The following ATG10 variants were observed in gnomAD, a reference collection of about 807,000 sequenced individuals.
ATG10 encodes the protein ubiquitin-like-conjugating enzyme ATG10.
ATG10 carries 30 observed loss-of-function variants against 32.1 expected under a neutral mutation model. The observed-to-expected ratio is 0.94, with a 90% CI of 0.70 to 1.27. The LOEUF is 1.27. ATG10 is among the 50% of genes most tolerant of loss of function. The probability of loss-of-function intolerance (pLI) is 0.00; values close to 1 mark genes in which losing one functional copy is unlikely to be tolerated. For missense variants in ATG10, 233 were observed against 262.3 expected, an observed-to-expected ratio of 0.89 and a Z score of 0.77; for synonymous variants, 87 against 91.5, an observed-to-expected ratio of 0.95 and a Z score of 0.28.
intron 3 of ATG10, among the ~76,000 whole-genome samples, chr5:82,128,280 C>T (rs1292648429): frequency 6.6e-6 from 1 of 151,852 alleles, no homozygotes; most frequent in Non-Finnish European, 1.5e-5. Flanking sequence ...TATATTTAGC[C>T]TGTTACATTT....
At chr5:81,988,649 G>C (rs562010389) in intron 2 of ATG10, among the ~76,000 whole-genome samples, 4 of 152,192 alleles carry the variant, frequency 2.6e-5, no homozygotes, top group African/African-American at 9.6e-5. Context: ...GGCCTGGCTG[G>C]TCTTGAACTA....
chr5:82,177,889 C>T (rs1203404416), intron 4 of ATG10, among the ~76,000 whole-genome samples: 5 of 152,128 alleles, frequency 3.3e-5, no homozygotes, highest in Non-Finnish European at 5.9e-5. Flanking sequence ...TATCTCTCTT[C>T]CTTGGACCAT....
At chr5:82,072,971 G>A (rs1177648719) in intron 3 of ATG10, 1 of 152,090 alleles carries the variant, frequency 6.6e-6, no homozygotes, top group Non-Finnish European at 1.5e-5. Context: ...TCCTCCTCCT[G>A]TGCTGATTCT....
At chr5:82,019,777 G>C (rs1762387721) in intron 2 of ATG10, among the ~76,000 whole-genome samples, 1 of 152,182 alleles carries the variant, frequency 6.6e-6, no homozygotes, top group African/African-American at 2.4e-5. Flanking sequence ...TTGCTCATCT[G>C]CTCTTTTCTG....
At chr5:82,143,670 T>G (rs1263445925) in intron 3 of ATG10, among the ~76,000 whole-genome samples, 1 of 152,238 alleles carries the variant, frequency 6.6e-6, no homozygotes, top group Non-Finnish European at 1.5e-5. Flanking sequence ...AAAGACAGAT[T>G]GGAGACAAGA....
At chr5:81,978,664 GTTGT>G (rs543985509) in intron 1 of ATG10, among the ~76,000 whole-genome samples, 1,697 of 151,958 alleles carry the variant, frequency 0.011, 8 homozygotes, top group Non-Finnish European at 0.018. Context: ...TTTTTTTGTT[GTTGT>G]TTGTTTGTTT....
chr5:81,987,741 TTTG>T, intron 2 of ATG10, 63 bp downstream of exon 2: 1 of 1,303,980 alleles, frequency 7.7e-7, no homozygotes, highest in Non-Finnish European at 1.1e-6. Context: ...TTTGTTTTGG[TTTG>T]TTGACAGGTA....
chr5:82,145,723 T>C (rs1767324851), intron 3 of ATG10, among the ~76,000 whole-genome samples: 1 of 151,996 alleles, frequency 6.6e-6, no homozygotes, highest in African/African-American at 2.4e-5. Context: ...TTTTTTTTTT[T>C]TGAGACAGAG....
chr5:82,078,738 G>T (rs957917693), intron 3 of ATG10: 2 of 152,144 alleles, frequency 1.3e-5, no homozygotes, highest in Admixed American at 6.6e-5. Flanking sequence ...AAAGAAAAAA[G>T]AAACTTTTAA....
intron 5 of ATG10, among the ~76,000 whole-genome samples, chr5:82,203,147 G>C (rs569183357): frequency 5.3e-5 from 8 of 152,060 alleles, no homozygotes; most frequent in African/African-American, 1.9e-4. Flanking sequence ...AGAATTGCTT[G>C]AACCTGGGTG....
At chr5:82,005,876 T>C (rs1167337669) in intron 2 of ATG10, among the ~76,000 whole-genome samples, 2 of 152,194 alleles carry the variant, frequency 1.3e-5, no homozygotes, top group East Asian at 3.9e-4. Flanking sequence ...TTTTGTGTGT[T>C]AGTCTTTCAG....
intron 2 of ATG10, among the ~76,000 whole-genome samples, chr5:82,007,893 C>T (rs1353677195): frequency 2.6e-5 from 4 of 151,936 alleles, no homozygotes; most frequent in Non-Finnish European, 5.9e-5. Flanking sequence ...TATTAAGTAT[C>T]CACTTAAAAT....
intron 3 of ATG10, among the ~76,000 whole-genome samples, chr5:82,161,165 T>C (rs936905631): frequency 7.9e-5 from 12 of 152,202 alleles, no homozygotes; most frequent in African/African-American, 2.9e-4. Flanking sequence ...GGAAAGATGC[T>C]AGCAGACACA....
chr5:82,245,208 CA>C (rs2150024050), intron 5 of ATG10, among the ~76,000 whole-genome samples: 1 of 152,310 alleles, frequency 6.6e-6, no homozygotes, highest in South Asian at 2.1e-4. Flanking sequence ...AACTCTAACA[CA>C]TAATTCCTAA....
intron 3 of ATG10, among the ~76,000 whole-genome samples, chr5:82,159,605 G>A (rs1275227892): frequency 6.6e-6 from 1 of 151,992 alleles, no homozygotes; most frequent in East Asian, 1.9e-4. Context: ...AGATAGAACA[G>A]TATAATGAAC....
intron 5 of ATG10, among the ~76,000 whole-genome samples, chr5:82,228,719 AT>A (rs1375934290): frequency 1.3e-5 from 2 of 152,240 alleles, no homozygotes; most frequent in Admixed American, 1.3e-4. Flanking sequence ...ATTTGCAACT[AT>A]TTAATGAAAA....
chr5:81,996,470 C>T (rs1299728821), intron 2 of ATG10, among the ~76,000 whole-genome samples: 1 of 152,122 alleles, frequency 6.6e-6, no homozygotes, highest in African/African-American at 2.4e-5. Context: ...GAACTCCTGG[C>T]CTCAAGCGAT....
chr5:82,185,995 T>C (rs574146440), intron 5 of ATG10, among the ~76,000 whole-genome samples: 56 of 152,330 alleles, frequency 3.7e-4, no homozygotes, highest in African/African-American at 1.3e-3. Flanking sequence ...TTGGTATAGG[T>C]CTCAGTGGGT....
intron 3 of ATG10, among the ~76,000 whole-genome samples, chr5:82,143,329 G>T (rs1235680336): frequency 1.3e-5 from 2 of 152,264 alleles, no homozygotes; most frequent in Non-Finnish European, 2.9e-5. Flanking sequence ...TGCCAGAGCC[G>T]TGTGGGTGAA....
Sources: gnomAD v4.1 joint callset for allele counts (sites outside exome capture counted in the v4.1 genomes callset) on GRCh38, gnomAD v4.1.1 for gene constraint, MANE v1.5 for transcripts, NCBI Gene and HGNC (gene_info 2026-07-23, HGNC 2026-07-21) for gene names.